PCNT: variants seen among roughly 807,000 people sequenced by gnomAD.
The protein encoded by PCNT is pericentrin, also known as kendrin.
A neutral mutation model predicts 380.4 loss-of-function variants in PCNT; 319 were observed. That is an observed-to-expected ratio of 0.84 (90% CI 0.77 to 0.92). PCNT has a LOEUF of 0.92. Ranked by LOEUF, PCNT falls within the 40% of genes least tolerant of loss-of-function variation. The probability of loss-of-function intolerance (pLI) is 0.00; values close to 1 mark genes in which losing one functional copy is unlikely to be tolerated. For synonymous variants in PCNT, 1,845 were observed against 1,735.2 expected (o/e 1.06, Z -1.57); for missense variants, 4,400 against 4,255.3 (o/e 1.03, Z -0.95).
intron 3 of PCNT, among the ~76,000 whole-genome samples, chr21:46,340,194 C>T (rs927278978): frequency 1.3e-5 from 2 of 152,140 alleles, no homozygotes; most frequent in South Asian, 2.1e-4. Context: ...ATAAAACCAT[C>T]GGATCTAGTG....
chr21:46,395,068 G>A (rs1159827999), intron 21 of PCNT, among the ~76,000 whole-genome samples: 1 of 152,234 alleles, frequency 6.6e-6, no homozygotes, highest in Non-Finnish European at 1.5e-5. Flanking sequence ...CTGCCCTCAG[G>A]CCTCGCCGCA....
Position 46,389,219 on chromosome 21 carries a change from T to G in PCNT, c.3628T>G (p.Trp1210Gly). Residue 1210 changes from tryptophan to glycine, a missense_variant, in exon 19 of 47, where the codon TGG (tryptophan) becomes GGG (glycine). By Grantham distance (184) the Trp-to-Gly change is radical. Transcript: ENST00000359568. Reference sequence around the variant, plus strand: ...TGTAGCTCCGGCGCTGGAGGAGACATGGTCTGATGTGGCCCTCCCGGAGTT... The same window carrying G: ...TGTAGCTCCGGCGCTGGAGGAGACAGGGTCTGATGTGGCCCTCCCGGAGTT... ...LSTAPALEETWSDVALPELDR... is the reference protein window; with the variant it reads ...LSTAPALEETGSDVALPELDR... The G allele has an allele frequency of 6.2e-7, 1 of 1,614,132 alleles. No homozygotes were observed. Among genetic ancestry groups the G allele is most frequent in the South Asian group, 1.1e-5 (1 of 91,088 alleles).
At chr21:46,383,427 A>ATG in intron 16 of PCNT, among the ~76,000 whole-genome samples, 3 of 114,514 alleles carry the variant, frequency 2.6e-5, no homozygotes, top group Middle Eastern at 7.1e-3. Context: ...ATTCAGTGGC[A>ATG]GAAGCGCATT....
chr21:46,368,753 G>A (rs1285739725), intron 15 of PCNT, among the ~76,000 whole-genome samples: 1 of 152,238 alleles, frequency 6.6e-6, no homozygotes, highest in Non-Finnish European at 1.5e-5. Context: ...CTGCACGGTG[G>A]ATGGGGCATG....
rs749169683 is a variant in PCNT, at chr21:46,440,837, C to T, written c.9394-18C>T. 5 of 1,471,214 alleles carry T rather than the reference C, an allele frequency of 3.4e-6. No individual in the cohort carries two copies. In the Admixed American group the frequency reaches 5.0e-5, roughly 15 times the overall value. 91.1% of individuals were successfully genotyped at this position (1,471,214 alleles called of 1,614,324 possible). ...CTTTGTTTCCTATGATAAAATTTTA[C>T]TGCTTTTTTTCTTTTAGATGGAAAA... On this transcript the variant is annotated intron_variant, in intron 42 of 46. Coordinates refer to ENST00000359568, the MANE Select transcript of PCNT (RefSeq NM_006031.6).
chr21:46,388,839 G>A lies in PCNT; in HGVS notation c.3562G>A (p.Gly1188Arg). The change falls in exon 18 of 47, where the codon GGG (glycine) becomes AGG (arginine). Residue 1188 changes from glycine (G) to arginine (R), a missense_variant. Physicochemically the swap from Gly to Arg is moderately radical, Grantham distance 125 (BLOSUM62 -2). Transcript: ENST00000359568. The surrounding 1 kb of genome is among the most constrained non-coding windows in gnomAD (Gnocchi z 4.2). The part of the protein sequence containing the change: ...TLRSRIGERV[G>R]LCLDDAGAGL... ...GAGGAGCCGGATCGGGGAGCGCGTG[G>A]GGCTCTGCCTGGATGACGCGGGCGC... The A allele has an allele frequency of 6.2e-7, 1 of 1,611,862 alleles. No individual in the cohort carries two copies. Among genetic ancestry groups the A allele is most frequent in the Non-Finnish European group, 8.5e-7 (1 of 1,179,938 alleles).
chr21:46,402,045 G>T (rs1232215470), intron 26 of PCNT, among the ~76,000 whole-genome samples: 1 of 152,092 alleles, frequency 6.6e-6, no homozygotes, highest in East Asian at 1.9e-4. Context: ...GTAGAGACAG[G>T]GTTTCACCAT....
intron 3 of PCNT, among the ~76,000 whole-genome samples, chr21:46,341,071 A>G (rs2083898857): frequency 8.3e-4 from 1 of 1,212 alleles, no homozygotes; most frequent in East Asian, 0.025. Context: ...TTTAGTAGAG[A>G]TGGGTTTCCC....
intron 14 of PCNT, 30 bp downstream of exon 14, chr21:46,363,964 C>G: frequency 1.9e-6 from 3 of 1,585,122 alleles, no homozygotes; most frequent in Non-Finnish European, 2.6e-6. Context: ...ATCTGCAGTC[C>G]CTGTGAGGCC....
At chr21:46,357,226 C>T (rs374503217) in intron 13 of PCNT, 35 bp downstream of exon 13, 1 of 1,428,500 alleles carries the variant, frequency 7.0e-7, no homozygotes, top group Non-Finnish European at 9.9e-7. Flanking sequence ...CGCCTCCCGC[C>T]CGAGTCCTTG....
At chr21:46,336,480 G>A (rs907811766) in intron 3 of PCNT, among the ~76,000 whole-genome samples, 1 of 152,188 alleles carries the variant, frequency 6.6e-6, no homozygotes, top group African/African-American at 2.4e-5. Flanking sequence ...TTCTTAAGTT[G>A]TTGCAGCTCT....
chr21:46,396,448 A>G (rs1005217908), intron 21 of PCNT, among the ~76,000 whole-genome samples: 3 of 152,202 alleles, frequency 2.0e-5, no homozygotes, highest in Non-Finnish European at 4.4e-5. Context: ...CCACTCCCAA[A>G]GCCGCTTATT....
Position 46,349,036 on chromosome 21 carries a change from G to GA in PCNT, c.1062dup (p.Asp355ArgfsTer36). The GA allele has an allele frequency of 6.2e-7, 1 of 1,601,436 alleles. No homozygotes were observed. Among genetic ancestry groups the GA allele is most frequent in the Non-Finnish European group, 8.6e-7 (1 of 1,168,812 alleles). On this transcript the variant is annotated frameshift_variant, in exon 7 of 47. Transcript: ENST00000359568. LOFTEE classifies it high-confidence loss of function. ...GACCCTGAAGGAAGATTGGGAATCT[G>GA]AAAAAGATTTATGTTTAGAAAATCT... is the stretch of plus-strand genomic sequence containing the variant.
At chr21:46,351,964 A>T (rs548703423) in intron 9 of PCNT, among the ~76,000 whole-genome samples, 1 of 152,216 alleles carries the variant, frequency 6.6e-6, no homozygotes, top group Non-Finnish European at 1.5e-5. Context: ...TCTCCAGGCC[A>T]CTTGCTGAAG....
chr21:46,431,209 G>A, intron 37 of PCNT: 1 of 1,244,412 alleles, frequency 8.0e-7, no homozygotes, highest in African/African-American at 1.5e-5. Flanking sequence ...GGGGGCAGGA[G>A]CCTCTGGTGG....
At chr21:46,431,390 C>T in intron 37 of PCNT, 139 bp from the exon 38 acceptor site, 3 of 1,507,188 alleles carry the variant, frequency 2.0e-6, no homozygotes, top group Non-Finnish European at 2.7e-6. Flanking sequence ...AAAATGTTGT[C>T]CCTACATGTG....
intron 15 of PCNT, among the ~76,000 whole-genome samples, chr21:46,370,231 G>GC (rs1460560352): frequency 6.6e-6 from 1 of 151,982 alleles, no homozygotes; most frequent in African/African-American, 2.4e-5. Context: ...ATCCGGGGGG[G>GC]GGTGTCTTTG....
chr21:46,404,439 C>T (rs73907499), intron 27 of PCNT, among the ~76,000 whole-genome samples: 19,534 of 139,542 alleles, frequency 0.14, 3,491 homozygotes, highest in African/African-American at 0.42. Context: ...GGAGATAGTG[C>T]GTGTGAACGA....
At position 46,398,104 on chromosome 21, in the gene PCNT, C is replaced by T; in HGVS notation, c.4537C>T (p.Gln1513Ter). 6.2e-7 allele frequency: 1 copy of T among 1,603,954 alleles called. No homozygotes were observed. Among genetic ancestry groups the T allele is most frequent in the Non-Finnish European group, 8.5e-7 (1 of 1,176,180 alleles). ...GCAGCTCCGCCAGGCGGCCAAGCCG[C>T]AGCCCTGGGGCCCTCGCGACAGCCA... Reference protein sequence around the residue: ...EGQLRQAAKPQPWGPRDSQQA... With the variant: ...EGQLRQAAKP The change falls in exon 23 of 47, where the codon CAG becomes TAG. Residue 1513 changes from glutamine to a stop codon, truncating the protein, a stop_gained. Coordinates refer to ENST00000359568, the MANE Select transcript of PCNT (RefSeq NM_006031.6). LOFTEE classifies it high-confidence loss of function.
Sources: allele counts gnomAD v4.1 joint callset (sites outside exome capture counted in the v4.1 genomes callset), GRCh38; gene constraint gnomAD v4.1.1; non-coding constraint Gnocchi (gnomAD v3.1); transcripts MANE v1.5; gene names NCBI Gene and HGNC (gene_info 2026-07-23, HGNC 2026-07-21).